AKR1B15: variants seen among roughly 807,000 people sequenced by gnomAD.
AKR1B15 encodes aldo-keto reductase family 1 member B15.
In AKR1B15, 49 loss-of-function variants were observed where a neutral mutation model predicts 38.5. That is an observed-to-expected ratio of 1.27 (90% CI 1.01 to 1.62). The LOEUF (loss-of-function observed/expected upper bound fraction) is 1.62. Among genes scored for constraint, AKR1B15 ranks in the 40% most tolerant of loss-of-function variants. AKR1B15 has a pLI of 0.00. For synonymous variants in AKR1B15, 137 were observed against 135.5 expected (o/e 1.01, Z -0.08); for missense variants, 411 against 381.6 (o/e 1.08, Z -0.64).
At chr7:134,560,693 A>T (rs1794360599) in intron 2 of AKR1B15, among the ~76,000 whole-genome samples, 1 of 152,226 alleles carries the variant, frequency 6.6e-6, no homozygotes, top group South Asian at 2.1e-4. Context: ...AAAAACAAAC[A>T]AAAGACTCTG....
In AKR1B15 at chr7:134,555,380, G is replaced by C. The variant is rs1221409322; in HGVS notation, c.-146-1356G>C. Among the ~76,000 whole-genome samples the C allele has an allele frequency of 2.6e-5, 4 of 152,164 alleles. No individual in the cohort carries two copies. In the South Asian group the frequency reaches 8.3e-4, roughly 32 times the overall value. On this transcript the variant is annotated intron_variant, in intron 1 of 11. Coordinates refer to ENST00000457545, the MANE Select transcript of AKR1B15 (RefSeq NM_001080538.3). ...CACACCAACAGCTCTGAAGGTGGAC[G>C]GCACTCCTGCTTGGATTCATCATTC...
intron 11 of AKR1B15, among the ~76,000 whole-genome samples, chr7:134,578,576 C>T (rs4732040): frequency 0.071 from 10,865 of 152,312 alleles, 647 homozygotes; most frequent in East Asian, 0.3. Context: ...TCAATACTTT[C>T]TGATTAATGT....
chr7:134,574,009 C>G (rs1794713761), intron 6 of AKR1B15, among the ~76,000 whole-genome samples: 1 of 152,130 alleles, frequency 6.6e-6, no homozygotes. Context: ...AAGTAAACCT[C>G]TGAAGTAGCT....
At chr7:134,575,283 G>A (rs904082734) in intron 6 of AKR1B15, 137 bp from the exon 7 acceptor site, 10 of 1,407,922 alleles carry the variant, frequency 7.1e-6, no homozygotes, top group African/African-American at 5.8e-5. Context: ...GCCCTGGACT[G>A]AAATTTCCTG....
In AKR1B15 at chr7:134,575,344, C is replaced by G. The variant is rs1362659608; in HGVS notation, c.514-76C>G. 11 of 1,553,064 alleles carry G rather than the reference C, an allele frequency of 7.1e-6. No individual in the cohort carries two copies. The East Asian group carries it at 1.4e-4, about 19-fold the overall frequency. ...GGTGGATCCTTTAGCAATTTCTGCCCCAGGGAAGACTAAGGCAAGCCAGGG... is the reference window on the plus strand; with the variant it reads ...GGTGGATCCTTTAGCAATTTCTGCCGCAGGGAAGACTAAGGCAAGCCAGGG... On this transcript the variant is annotated intron_variant, in intron 6 of 11. Transcript: ENST00000457545.
Position 134,565,368 on chromosome 7 carries a change from C to T in AKR1B15, c.150+599C>T, listed in dbSNP as rs575961457. ...CTGTAACACACACTGTGAAGGTCCACGGCTTCATTCTTGAAGCCAGCGAGA... is the reference window on the plus strand; with the variant it reads ...CTGTAACACACACTGTGAAGGTCCATGGCTTCATTCTTGAAGCCAGCGAGA... On this transcript the variant is annotated intron_variant, in intron 3 of 11. Transcript: ENST00000457545. 135 of 1,529,376 alleles carry T rather than the reference C, an allele frequency of 8.8e-5. No homozygotes were observed. The African/African-American group carries it at 1.5e-3, about 17-fold the overall frequency. The allele number at this position is 1,529,376 out of a possible 1,614,324, so 94.7% of individuals were successfully genotyped here. A position where few individuals can be genotyped will look rare whatever the true frequency, so the allele number is the denominator to read the frequency against.
chr7:134,562,862 CTTT>C (rs1794444258), intron 2 of AKR1B15, among the ~76,000 whole-genome samples: 2 of 142,974 alleles, frequency 1.4e-5, no homozygotes, highest in Admixed American at 7.0e-5. Flanking sequence ...TTCTTTCTTT[CTTT>C]CTTTCTTTCT....
rs531605132 is a variant in AKR1B15 at position 134,549,846 on chromosome 7, A to G, written c.-147+597A>G. ...ATGTCGGATCGTCGATACTGCCCAA[A>G]ATGACTGGGCAAGGACTTCTTCAAG... is the stretch of plus-strand genomic sequence containing the variant. On this transcript the variant is annotated intron_variant, in intron 1 of 11. Transcript: ENST00000457545. Among the ~76,000 whole-genome samples, 6 of 152,286 alleles carry G rather than the reference A, an allele frequency of 3.9e-5. No homozygotes were observed. In the South Asian group the frequency reaches 1.0e-3, roughly 26 times the overall value.
At chr7:134,571,431 C>T (rs1794664479) in intron 5 of AKR1B15, among the ~76,000 whole-genome samples, 173 bp from the exon 6 acceptor site, 1 of 152,120 alleles carries the variant, frequency 6.6e-6, no homozygotes, top group South Asian at 2.1e-4. Flanking sequence ...TAATATGCTA[C>T]AGTAGATATA....
intron 1 of AKR1B15, among the ~76,000 whole-genome samples, chr7:134,550,402 G>A (rs1793926089): frequency 6.6e-6 from 1 of 152,074 alleles, no homozygotes. Context: ...GGAAAGGACC[G>A]AGTTTGAACA....
intron 8 of AKR1B15, 23 bp from the exon 9 acceptor site, chr7:134,576,326 C>T (rs1794767280): frequency 6.2e-7 from 1 of 1,606,652 alleles, no homozygotes; most frequent in Admixed American, 1.7e-5. Context: ...TGATTATTCA[C>T]ATCAGCATCT....
intron 2 of AKR1B15, among the ~76,000 whole-genome samples, chr7:134,558,425 T>C (rs187705138): frequency 1.3e-4 from 20 of 152,310 alleles, no homozygotes; most frequent in African/African-American, 4.8e-4. Flanking sequence ...GAAAACATCA[T>C]ACCCAGATTT....
chr7:134,572,902 C>T (rs962368761), intron 6 of AKR1B15, among the ~76,000 whole-genome samples: 4 of 152,172 alleles, frequency 2.6e-5, no homozygotes, highest in African/African-American at 4.8e-5. Context: ...CATGTAGTTG[C>T]GAGTTTGTAT....
intron 2 of AKR1B15, among the ~76,000 whole-genome samples, chr7:134,564,124 G>T (rs1014822872): frequency 6.6e-6 from 1 of 152,142 alleles, no homozygotes; most frequent in African/African-American, 2.4e-5. Context: ...GAGCCATACA[G>T]CTAATACCCC....
chr7:134,562,734 A>G (rs769424585), intron 2 of AKR1B15, among the ~76,000 whole-genome samples: 1 of 152,020 alleles, frequency 6.6e-6, no homozygotes, highest in Non-Finnish European at 1.5e-5. Flanking sequence ...TAATTTCTGT[A>G]TTTTTAGTAG....
chr7:134,570,131 G>T (rs1341225798), intron 5 of AKR1B15: 1 of 152,442 alleles, frequency 6.6e-6, no homozygotes, highest in East Asian at 1.9e-4. Flanking sequence ...GCTGCTCTGG[G>T]GACGGCTGTC....
At chr7:134,561,608 T>C (rs1259067204) in intron 2 of AKR1B15, among the ~76,000 whole-genome samples, 2 of 152,230 alleles carry the variant, frequency 1.3e-5, no homozygotes, top group Admixed American at 6.5e-5. Flanking sequence ...AATTGCCTTC[T>C]ATGAGCTGTC....
At chr7:134,559,425 C>G (rs1328084605) in intron 2 of AKR1B15, among the ~76,000 whole-genome samples, 2 of 152,186 alleles carry the variant, frequency 1.3e-5, no homozygotes, top group Non-Finnish European at 2.9e-5. Context: ...CAACTAGTCC[C>G]TGGTCCCACC....
intron 6 of AKR1B15, among the ~76,000 whole-genome samples, chr7:134,571,962 A>T (rs1794677672): frequency 6.6e-6 from 1 of 152,160 alleles, no homozygotes; most frequent in African/African-American, 2.4e-5. Flanking sequence ...AGGCATTTGG[A>T]ACAGAGGGTT....
Sources: allele counts gnomAD v4.1 joint callset (sites outside exome capture counted in the v4.1 genomes callset), GRCh38; gene constraint gnomAD v4.1.1; transcripts MANE v1.5; gene names NCBI Gene and HGNC (gene_info 2026-07-23, HGNC 2026-07-21).